Variants in CDH8 observed in about 807,000 individuals in gnomAD.
CDH8 encodes cadherin 8, also known as cadherin-8.
In CDH8, 17 loss-of-function variants were observed where a neutral mutation model predicts 68.1. That is an observed-to-expected ratio of 0.25 (90% CI 0.17 to 0.37). The LOEUF (loss-of-function observed/expected upper bound fraction) is 0.37. CDH8 is among the 10% of genes least tolerant of loss of function. CDH8 has a pLI of 1.00. For missense variants in CDH8, 763 were observed against 999.3 expected (o/e 0.76, Z 3.19); for synonymous variants, 372 against 365.1 (o/e 1.02, Z -0.21).
intron 2 of CDH8, among the ~76,000 whole-genome samples, chr16:61,942,487 G>C (rs1964739738): frequency 6.6e-6 from 1 of 152,128 alleles, no homozygotes; most frequent in Non-Finnish European, 1.5e-5. Context: ...ACAGGTTACA[G>C]AGTGAGACTG....
At chr16:61,861,918 A>G (rs1375536122) in intron 3 of CDH8, among the ~76,000 whole-genome samples, 1 of 152,212 alleles carries the variant, frequency 6.6e-6, no homozygotes, top group Non-Finnish European at 1.5e-5. Flanking sequence ...GTATACAGGT[A>G]AAACTAACAA....
intron 2 of CDH8, among the ~76,000 whole-genome samples, chr16:61,994,080 A>G (rs545440247): frequency 2.0e-5 from 3 of 152,252 alleles, no homozygotes; most frequent in South Asian, 4.2e-4. Flanking sequence ...TGGGAAGTAA[A>G]TAGCGATTAA....
At chr16:61,817,119 T>TAAAC (rs754167937) in intron 7 of CDH8, among the ~76,000 whole-genome samples, 1 of 152,068 alleles carries the variant, frequency 6.6e-6, no homozygotes, top group Admixed American at 6.6e-5. Flanking sequence ...TCCCCAAAGC[T>TAAAC]AAACAAACAA....
chr16:61,926,438 C>T (rs62052036), intron 2 of CDH8, among the ~76,000 whole-genome samples: 21 of 152,146 alleles, frequency 1.4e-4, no homozygotes, highest in Admixed American at 1.4e-3. Context: ...GTCTTTGTAA[C>T]ACCTTCAAAT....
intron 10 of CDH8, among the ~76,000 whole-genome samples, chr16:61,670,209 T>C (rs1165171289): frequency 1.3e-5 from 2 of 152,234 alleles, no homozygotes; most frequent in East Asian, 1.9e-4. Context: ...CATTCTTCAA[T>C]AGTTAGCTGA....
chr16:61,852,959 G>A (rs1405504696), intron 4 of CDH8, among the ~76,000 whole-genome samples: 3 of 147,132 alleles, frequency 2.0e-5, no homozygotes, highest in South Asian at 2.1e-4. Context: ...ACTTACTGAA[G>A]GACTTCTAGG....
At chr16:61,936,517 A>C (rs1964629356) in intron 2 of CDH8, among the ~76,000 whole-genome samples, 2 of 152,194 alleles carry the variant, frequency 1.3e-5, no homozygotes, top group Non-Finnish European at 2.9e-5. Context: ...AGGAAAGGAT[A>C]TATGTAGCTA....
rs1366580381 is a variant in CDH8, at chr16:61,653,731, G to T, written c.2277C>A (p.Leu759=). Residue 759 remains leucine, a synonymous_variant, in exon 12 of 12, where the codon CTC becomes CTA. Transcript: ENST00000577390. ...YEGRGSVAGS[L]SSLESTTSDS... is the part of the protein sequence containing the mutation. ...CTGATGTGGTGGACTCCAAGGAGCT[G>T]AGGGAGCCAGCCACTGACCCTCGGC... 14 of 1,614,068 alleles carry T rather than the reference G, an allele frequency of 8.7e-6. No individual in the cohort carries two copies. Among genetic ancestry groups the T allele is most frequent in the Non-Finnish European group, 1.2e-5 (14 of 1,180,034 alleles).
At chr16:61,962,716 A>G (rs1418712142) in intron 2 of CDH8, among the ~76,000 whole-genome samples, 1 of 152,190 alleles carries the variant, frequency 6.6e-6, no homozygotes, top group Non-Finnish European at 1.5e-5. Context: ...ACAAAAGTAT[A>G]AAATTGTGTA....
chr16:61,993,418 C>T (rs752883320), intron 2 of CDH8, among the ~76,000 whole-genome samples: 1 of 151,914 alleles, frequency 6.6e-6, no homozygotes, highest in Non-Finnish European at 1.5e-5. Flanking sequence ...CTCCCGGGTT[C>T]AAGTGATTCT....
chr16:61,818,116 C>A (rs998415321), intron 6 of CDH8: 1 of 168,774 alleles, frequency 5.9e-6, no homozygotes, highest in Non-Finnish European at 1.3e-5. Flanking sequence ...AAGGCGACAT[C>A]GAACACAATC....
chr16:61,712,106 C>T (rs1964642214), intron 10 of CDH8, among the ~76,000 whole-genome samples: 1 of 151,600 alleles, frequency 6.6e-6, no homozygotes, highest in Non-Finnish European at 1.5e-5. Flanking sequence ...TATTCTATTA[C>T]AGGGTTTATC....
intron 3 of CDH8, among the ~76,000 whole-genome samples, chr16:61,886,295 A>AT (rs974008226): frequency 1.3e-5 from 2 of 152,214 alleles, no homozygotes; most frequent in Non-Finnish European, 2.9e-5. Context: ...CCATATAATA[A>AT]TAAAAAAAAA....
intron 3 of CDH8, among the ~76,000 whole-genome samples, chr16:61,872,531 T>C (rs1963388157): frequency 6.6e-6 from 1 of 152,198 alleles, no homozygotes; most frequent in South Asian, 2.1e-4. Flanking sequence ...CTTTAAGTGG[T>C]TGTAGGGACC....
intron 8 of CDH8, among the ~76,000 whole-genome samples, chr16:61,731,265 TGCC>T (rs369778853): frequency 4.7e-3 from 713 of 151,816 alleles, no homozygotes; most frequent in South Asian, 0.022. Flanking sequence ...AGAGGCTAGT[TGCC>T]AGAGAGAATG....
intron 8 of CDH8, among the ~76,000 whole-genome samples, chr16:61,746,070 T>C (rs2142935515): frequency 6.6e-6 from 1 of 152,240 alleles, no homozygotes; most frequent in African/African-American, 2.4e-5. Context: ...ATTATTTCTT[T>C]TACACTGCTA....
intron 2 of CDH8, among the ~76,000 whole-genome samples, chr16:61,910,758 G>A (rs1297490503): frequency 6.6e-6 from 1 of 152,088 alleles, no homozygotes; most frequent in African/African-American, 2.4e-5. Context: ...ATAATGATGA[G>A]TCTGCCCAAT....
At chr16:61,892,768 G>C (rs1963800154) in intron 3 of CDH8, among the ~76,000 whole-genome samples, 1 of 152,124 alleles carries the variant, frequency 6.6e-6, no homozygotes, top group Non-Finnish European at 1.5e-5. Context: ...ATAAATACTT[G>C]TGGGGGGAGT....
At chr16:61,846,774 T>C (rs1249521239) in intron 4 of CDH8, among the ~76,000 whole-genome samples, 1 of 152,162 alleles carries the variant, frequency 6.6e-6, no homozygotes, top group Non-Finnish European at 1.5e-5. Context: ...AACTACCTTC[T>C]GCTTAATTTT....
Sources: gnomAD v4.1 joint callset for allele counts (sites outside exome capture counted in the v4.1 genomes callset) on GRCh38, gnomAD v4.1.1 for gene constraint, MANE v1.5 for transcripts, NCBI Gene and HGNC (gene_info 2026-07-23, HGNC 2026-07-21) for gene names.